ASPM: variants seen among roughly 807,000 people sequenced by gnomAD.
The protein encoded by ASPM is abnormal spindle-like microcephaly-associated protein.
A neutral mutation model predicts 366.4 loss-of-function variants in ASPM; 256 were observed. The ratio of observed to expected loss-of-function variants is 0.70; its 90% confidence interval spans 0.63 to 0.77. The LOEUF is 0.77. Ranked by LOEUF, ASPM falls within the 30% of genes least tolerant of loss-of-function variation. The pLI is 0.00. For synonymous variants in ASPM, 1,414 were observed against 1,342.9 expected (o/e 1.05, Z -1.16); for missense variants, 4,146 against 4,090.4 (o/e 1.01, Z -0.37).
At chr1:197,094,503 G>T (rs1017695160) in intron 19 of ASPM, among the ~76,000 whole-genome samples, 3 of 151,694 alleles carry the variant, frequency 2.0e-5, no homozygotes, top group Admixed American at 2.0e-4. Context: ...GATAAAGGGG[G>T]AATGGTAGAA....
rs1657171465 is a variant in ASPM at position 197,101,379 on chromosome 1, C to T, written c.7872G>A (p.Gln2624=). ...TCTGAATAATAATGGCAGCCTGGTG[C>T]TGTTCCTGAATCTGTTTTTTTATGT... ...DMNIKKQIQE[Q]HQAAIIIQKH... The change falls in exon 18 of 28, where the codon CAG becomes CAA. Residue 2624 remains glutamine, a synonymous_variant. Coordinates refer to ENST00000367409, the MANE Select transcript of ASPM (RefSeq NM_018136.5). 1 of 1,609,336 alleles carries T rather than the reference C, an allele frequency of 6.2e-7. No homozygotes were observed. Among genetic ancestry groups the T allele is most frequent in the Non-Finnish European group, 8.5e-7 (1 of 1,178,948 alleles).
chr1:197,098,690 G>T (rs570014385), intron 18 of ASPM, among the ~76,000 whole-genome samples: 2 of 151,422 alleles, frequency 1.3e-5, no homozygotes, highest in African/African-American at 4.8e-5. Flanking sequence ...TTAACACCTT[G>T]TTGGCTTCTC....
Position 197,105,176 on chromosome 1 carries a change from T to C in ASPM, c.4075A>G (p.Arg1359Gly), listed in dbSNP as rs763607215. The part of the protein sequence containing the change: ...KAASLIQGYW[R>G]RYSTRQRFLK... The stretch of plus-strand genomic sequence containing the variant: ...AATCTTTGTCTAGTGGAATATCTTC[T>C]CCAATATCCCTGGAAAAGGTAAGAA... Residue 1359 changes from arginine (R) to glycine (G), a missense_variant, in exon 18 of 28, where the codon AGA becomes GGA. Coordinates refer to ENST00000367409, the MANE Select transcript of ASPM (RefSeq NM_018136.5). The C allele has an allele frequency of 6.2e-7, 1 of 1,603,522 alleles. No homozygotes were observed. Among genetic ancestry groups the C allele is most frequent in the Non-Finnish European group, 8.5e-7 (1 of 1,171,706 alleles).
chr1:197,090,721 C>A (rs1390606773), intron 23 of ASPM, 129 bp downstream of exon 23: 11 of 848,674 alleles, frequency 1.3e-5, no homozygotes, highest in Non-Finnish European at 1.9e-5. Flanking sequence ...TAGTATAGTG[C>A]TTATGAGTTA....
rs567093539 is a variant in ASPM, at chr1:197,096,668, G to A, written c.8821-504C>T. Reference sequence around the variant, plus strand: ...TTCTGATTTTGACAACCTTCTGGAAGACTAAAGGTTTACATGACAGCTACA... The same window carrying A: ...TTCTGATTTTGACAACCTTCTGGAAAACTAAAGGTTTACATGACAGCTACA... On this transcript the variant is annotated intron_variant, in intron 18 of 27. Transcript: ENST00000367409. Among the ~76,000 whole-genome samples the A allele has an allele frequency of 3.9e-4, 59 of 151,872 alleles. 1 individual carries two copies. Among genetic ancestry groups the A allele is most frequent in the African/African-American group, 1.1e-3 (46 of 41,516 alleles).
chr1:197,133,309 T>C (rs772167029), intron 6 of ASPM, 41 bp downstream of exon 6: 3 of 1,576,742 alleles, frequency 1.9e-6, no homozygotes, highest in East Asian at 4.5e-5. Context: ...CTCTTGAATG[T>C]TTTTAAAGAA....
At chr1:197,139,343 TC>T in intron 4 of ASPM, 1 of 654,416 alleles carries the variant, frequency 1.5e-6, no homozygotes, top group Non-Finnish European at 2.7e-6. Context: ...ACGCCTGAAA[TC>T]CCAGCACCCT....
At chr1:197,136,183 A>AT (rs1360328124) in intron 4 of ASPM, among the ~76,000 whole-genome samples, 1 of 152,214 alleles carries the variant, frequency 6.6e-6, no homozygotes, top group South Asian at 2.1e-4. Context: ...ACATTTCTAG[A>AT]TTTTTTTTAA....
chr1:197,117,738 A>C (rs772469394), intron 17 of ASPM, 51 bp downstream of exon 17: 1 of 1,511,338 alleles, frequency 6.6e-7, no homozygotes, highest in East Asian at 2.3e-5. Flanking sequence ...TTCTTACTTA[A>C]AAAAGTCATT....
chr1:197,143,946 T>A lies in ASPM; in HGVS notation c.441+11A>T. 6.2e-7 allele frequency: 1 copy of A among 1,600,358 alleles called. No individual in the cohort carries two copies. The highest frequency in any genetic ancestry group is 8.6e-7 in the Non-Finnish European group (1 of 1,168,252). On this transcript the variant is annotated intron_variant, in intron 2 of 27. Coordinates refer to ENST00000367409, the MANE Select transcript of ASPM (RefSeq NM_018136.5). ...TTCTTAGAGTAAATCACAGAATGGT[T>A]AAAACATTACCTTTTTCTTTTTCTG...
rs1299303776 is a variant in ASPM at position 197,091,018 on chromosome 1, T to C, written c.9468A>G (p.Gln3156=). 3 of 1,611,822 alleles carry C rather than the reference T, an allele frequency of 1.9e-6. No homozygotes were observed. The highest frequency in any genetic ancestry group is 2.5e-6 in the Non-Finnish European group (3 of 1,178,652). Residue 3156 remains glutamine, a synonymous_variant, in exon 23 of 28, where the codon CAA becomes CAG. Coordinates refer to ENST00000367409, the MANE Select transcript of ASPM (RefSeq NM_018136.5). Reference sequence around the variant, plus strand: ...GATATTTCTGAATAAATCTCTTTTCTTGTAATCTTGCTCGAAACCATCTCT... The same window carrying C: ...GATATTTCTGAATAAATCTCTTTTCCTGTAATCTTGCTCGAAACCATCTCT... ...CIQRWFRARL[Q]EKRFIQKYHS...
intron 4 of ASPM, among the ~76,000 whole-genome samples, chr1:197,137,759 G>A (rs1658466739): frequency 6.6e-6 from 1 of 152,162 alleles, no homozygotes; most frequent in South Asian, 2.1e-4. Flanking sequence ...GGGACCACAG[G>A]TGTAAGCCAC....
Position 197,146,475 on chromosome 1 carries a change from C to T in ASPM, c.-38G>A. The T allele has an allele frequency of 6.3e-7, 1 of 1,597,596 alleles. No homozygotes were observed. The highest frequency in any genetic ancestry group is 8.5e-7 in the Non-Finnish European group (1 of 1,177,640). ...ACCCCTCCTGGATCTCCTTGCCCCGCTCCCACGAGGCGGCTCCGGAGCGGG... is the reference window on the plus strand; with the variant it reads ...ACCCCTCCTGGATCTCCTTGCCCCGTTCCCACGAGGCGGCTCCGGAGCGGG... On this transcript the variant is annotated 5_prime_UTR_variant, in exon 1 of 28. Transcript: ENST00000367409.
chr1:197,122,252 A>T lies in ASPM; in HGVS notation c.3648T>A (p.Asn1216Lys). ...TAACTGCAGACCTAACCAAGTGAAAATTTTTCTTTTCATTTTCTAGGAGCT... is the reference window on the plus strand; with the variant it reads ...TAACTGCAGACCTAACCAAGTGAAATTTTTTCTTTTCATTTTCTAGGAGCT... ...YKELLENEKK[N>K]FHLVRSAVRD... The change falls in exon 15 of 28, where the codon AAT becomes AAA. Residue 1216 changes from asparagine (N) to lysine (K), a missense_variant. Asn to Lys is a moderately conservative substitution (Grantham distance 94). This residue lies in a region of ASPM where 3,624 missense variants were observed against 3,591.7 expected (regional missense o/e 1.01). Transcript: ENST00000367409. 1 of 1,613,340 alleles carries T rather than the reference A, an allele frequency of 6.2e-7. No homozygotes were observed. The highest frequency in any genetic ancestry group is 8.5e-7 in the Non-Finnish European group (1 of 1,179,490).
chr1:197,098,933 T>C (rs1657067905), intron 18 of ASPM, among the ~76,000 whole-genome samples: 1 of 151,594 alleles, frequency 6.6e-6, no homozygotes, highest in Non-Finnish European at 1.5e-5. Context: ...TGCTAGGTAC[T>C]TCAGATCTTA....
At position 197,087,733 on chromosome 1, in the gene ASPM, T is replaced by C. The variant is rs1373509457; in HGVS notation, c.10161+523A>G. Among the ~76,000 whole-genome samples the C allele has an allele frequency of 1.3e-5, 2 of 152,180 alleles. 1 individual carries two copies. The highest frequency in any genetic ancestry group is 3.9e-4 in the East Asian group (2 of 5,162). ...ATGGTCTCACTATATCCACACATGCTCTCCCAAATTCATTCTTCAATCAGA... is the reference window on the plus strand; with the variant it reads ...ATGGTCTCACTATATCCACACATGCCCTCCCAAATTCATTCTTCAATCAGA... On this transcript the variant is annotated intron_variant, in intron 26 of 27. Coordinates refer to ENST00000367409, the MANE Select transcript of ASPM (RefSeq NM_018136.5).
Position 197,095,062 on chromosome 1 carries a change from C to T in ASPM, c.8988-882G>A, listed in dbSNP as rs193172416. On this transcript the variant is annotated intron_variant, in intron 19 of 27. Transcript: ENST00000367409. ...AAATCAGGGTAAATGGGATATCCAT[C>T]ACCTCGAACATTTATCATTTCCTTC... Among the ~76,000 whole-genome samples, 5 of 151,832 alleles carry T rather than the reference C, an allele frequency of 3.3e-5. No individual in the cohort carries two copies. The East Asian group carries it at 9.7e-4, about 29-fold the overall frequency.
rs766646957 is a variant in ASPM at position 197,102,637 on chromosome 1, T to C, written c.6614A>G (p.Gln2205Arg). The C allele has an allele frequency of 3.1e-6, 5 of 1,612,816 alleles. No individual in the cohort carries two copies. Among genetic ancestry groups the C allele is most frequent in the Non-Finnish European group, 4.2e-6 (5 of 1,179,328 alleles). Reference sequence around the variant, plus strand: ...CTTTAACTTATTAAAGTATGTTTGCTGTCTGTATCTTCTGTAGTTTGACTG... The same window carrying C: ...CTTTAACTTATTAAAGTATGTTTGCCGTCTGTATCTTCTGTAGTTTGACTG... ...LIQSNYRRYR[Q>R]QTYFNKLKKI... The change falls in exon 18 of 28, where the codon CAG (glutamine) becomes CGG (arginine). Residue 2205 changes from glutamine (Q) to arginine (R), a missense_variant. By Grantham distance (43) the Gln-to-Arg change is conservative. Transcript: ENST00000367409.
At chr1:197,117,606 A>G (rs547692770) in intron 17 of ASPM, among the ~76,000 whole-genome samples, 183 bp downstream of exon 17, 10 of 152,298 alleles carry the variant, frequency 6.6e-5, no homozygotes, top group African/African-American at 2.4e-4. Flanking sequence ...ATGCATTTCA[A>G]TTATGTTTCA....
Sources: gnomAD v4.1 joint callset for allele counts (sites outside exome capture counted in the v4.1 genomes callset) on GRCh38, gnomAD v4.1.1 for gene constraint, gnomAD v4.1.1 regional missense constraint, MANE v1.5 for transcripts, NCBI Gene and HGNC (gene_info 2026-07-23, HGNC 2026-07-21) for gene names.